Variants in COL14A1 observed in about 807,000 individuals in gnomAD.
COL14A1 encodes the protein collagen alpha-1(XIV) chain.
A neutral mutation model predicts 230.3 loss-of-function variants in COL14A1; 136 were observed. That is an observed-to-expected ratio of 0.59 (90% CI 0.51 to 0.68). COL14A1 has a LOEUF of 0.68. Ranked by LOEUF, COL14A1 falls within the 30% of genes least tolerant of loss-of-function variation. The pLI is 0.00. For synonymous variants in COL14A1, 792 were observed against 784.1 expected (o/e 1.01, Z -0.17); for missense variants, 1,976 against 2,215.8 (o/e 0.89, Z 2.17).
Position 120,226,684 on chromosome 8 carries a change from G to C in COL14A1, c.1922G>C (p.Arg641Thr), listed in dbSNP as rs1293991501. 3.1e-6 allele frequency: 5 copies of C among 1,613,820 alleles called. No individual in the cohort carries two copies. The African/African-American group carries it at 6.7e-5, about 22-fold the overall frequency. The stretch of plus-strand genomic sequence containing the variant: ...GATGAGGTGACGACAGACAGTTTTA[G>C]GGTGACCTGGCATCCCCTCTCAGCT... ...EIDEVTTDSF[R>T]VTWHPLSADE... The change falls in exon 16 of 48, where the codon AGG becomes ACG. Residue 641 changes from arginine to threonine, a missense_variant. Around this residue, in one of 3 missense-constraint regions of COL14A1, gnomAD observed 1,791 missense variants for 2,019.5 expected, o/e 0.89. Coordinates refer to ENST00000297848, the MANE Select transcript of COL14A1 (RefSeq NM_021110.4).
At chr8:120,370,264 GT>G in intron 47 of COL14A1, 2 of 1,491,928 alleles carry the variant, frequency 1.3e-6, no homozygotes, top group African/African-American at 1.4e-5. Context: ...GGTCAACAAA[GT>G]TTTGCTGATG....
chr8:120,372,184 ATTCT>A lies in COL14A1; in HGVS notation c.*954_*957del, dbSNP rs1812183548. 2 of 152,248 alleles carry A rather than the reference ATTCT, an allele frequency of 1.3e-5. No homozygotes were observed. The highest frequency in any genetic ancestry group is 4.8e-5 in the African/African-American group (2 of 41,452). The allele number at this position is 152,248 out of a possible 1,614,324, so 9.4% of individuals were successfully genotyped here. ...CGTTTACTCACTCACTCATTCATTC[ATTCT>A]GAGTGCAGTAGAAAACAGAAGAAGC... On this transcript the variant is annotated 3_prime_UTR_variant, in exon 48 of 48. Transcript: ENST00000297848.
intron 21 of COL14A1, among the ~76,000 whole-genome samples, chr8:120,249,519 G>A (rs1469007325): frequency 6.6e-6 from 1 of 151,982 alleles, no homozygotes; most frequent in Non-Finnish European, 1.5e-5. Context: ...TTTGTTTTTT[G>A]GATCATTTTA....
At chr8:120,292,396 A>T (rs1428496389) in intron 34 of COL14A1, among the ~76,000 whole-genome samples, 2 of 152,182 alleles carry the variant, frequency 1.3e-5, no homozygotes, top group African/African-American at 4.8e-5. Context: ...GTAGGAAAAA[A>T]GTCATAGCAT....
At chr8:120,244,345 G>T (rs534051861) in intron 20 of COL14A1, among the ~76,000 whole-genome samples, 93 of 152,224 alleles carry the variant, frequency 6.1e-4, no homozygotes, top group Admixed American at 1.4e-3. Context: ...GTGTGCTCTA[G>T]TCCAAGCCAC....
chr8:120,281,743 G>A (rs1474569033), intron 31 of COL14A1, among the ~76,000 whole-genome samples: 2 of 152,060 alleles, frequency 1.3e-5, no homozygotes, highest in Non-Finnish European at 2.9e-5. Context: ...ACTTGAGTGA[G>A]CTCACATAGT....
chr8:120,328,016 G>A (rs1022464079), intron 40 of COL14A1, among the ~76,000 whole-genome samples: 2 of 151,810 alleles, frequency 1.3e-5, no homozygotes, highest in East Asian at 2.0e-4. Context: ...TGCCCGCCTC[G>A]GCCTCCCAAA....
At position 120,300,774 on chromosome 8, in the gene COL14A1, T is replaced by C; in HGVS notation, c.4357T>C (p.Cys1453Arg). The change falls in exon 36 of 48, where the codon TGT (cysteine) becomes CGT (arginine). Residue 1453 changes from cysteine (C) to arginine (R), a missense_variant. By Grantham distance (180) the Cys-to-Arg change is radical. Transcript: ENST00000297848. ...CCCAGACCTTCCCCATTCCTGCTCC[T>C]GTTCTGAAACCAATGAAGTGGCTCT... ...SCPDLPHSCSCSETNEVALGP... is the reference protein window; with the variant it reads ...SCPDLPHSCSRSETNEVALGP... 4 of 1,613,766 alleles carry C rather than the reference T, an allele frequency of 2.5e-6. No homozygotes were observed. Among genetic ancestry groups the C allele is most frequent in the Non-Finnish European group, 3.4e-6 (4 of 1,179,710 alleles).
intron 25 of COL14A1, among the ~76,000 whole-genome samples, chr8:120,267,899 G>A (rs1819545474): frequency 6.6e-6 from 1 of 151,754 alleles, no homozygotes; most frequent in Non-Finnish European, 1.5e-5. Context: ...AGAATGAGAG[G>A]AGAAAGTAGA....
In COL14A1 at chr8:120,158,243, T is replaced by C; in HGVS notation, c.202T>C (p.Ser68Pro). 1 of 1,561,614 alleles carries C rather than the reference T, an allele frequency of 6.4e-7. No individual in the cohort carries two copies. The highest frequency in any genetic ancestry group is 8.8e-7 in the Non-Finnish European group (1 of 1,134,230). The change falls in exon 3 of 48, where the codon TCA (serine) becomes CCA (proline). Residue 68 changes from serine to proline, a missense_variant. By Grantham distance (74) the Ser-to-Pro change is moderately conservative (BLOSUM62 -1). This residue lies in a region of COL14A1 where 181 missense variants were observed against 178.6 expected (regional missense o/e 1.01). Transcript: ENST00000297848. ...GGYKLLVTPT[S>P]GGKTNQLNLQ... ...TTACAAACTTCTTGTGACTCCAACT[T>C]CAGGTAAAAACAATTGACTTTGTTT...
intron 3 of COL14A1, among the ~76,000 whole-genome samples, chr8:120,162,107 G>A (rs1666967612): frequency 6.6e-6 from 1 of 152,116 alleles, no homozygotes; most frequent in African/African-American, 2.4e-5. Flanking sequence ...TGTGAATTTG[G>A]TTTTCTCTAA....
intron 3 of COL14A1, among the ~76,000 whole-genome samples, chr8:120,161,820 C>T (rs919519863): frequency 6.6e-6 from 1 of 152,104 alleles, no homozygotes; most frequent in Non-Finnish European, 1.5e-5. Context: ...AACACCACCA[C>T]GGCTGGTTAA....
Position 120,353,867 on chromosome 8 carries a change from T to A in COL14A1, c.5077+8304T>A, listed in dbSNP as rs561004747. On this transcript the variant is annotated intron_variant, in intron 45 of 47. Coordinates refer to ENST00000297848, the MANE Select transcript of COL14A1 (RefSeq NM_021110.4). ...AGGAATCTAGAACTGGAGATACCAT[T>A]TGACCCAGCCATCCCATTACTGGGT... Among the ~76,000 whole-genome samples the A allele has an allele frequency of 9.9e-5, 15 of 151,858 alleles. 1 individual carries two copies. The highest frequency in any genetic ancestry group is 3.4e-4 in the African/African-American group (14 of 41,198).
At chr8:120,295,698 A>G (rs1423204098) in intron 34 of COL14A1, among the ~76,000 whole-genome samples, 2 of 151,844 alleles carry the variant, frequency 1.3e-5, no homozygotes, top group African/African-American at 4.8e-5. Context: ...TGAGAAAGCT[A>G]ATATTTATTA....
At chr8:120,189,461 T>TA (rs1276661766) in intron 5 of COL14A1, among the ~76,000 whole-genome samples, 1 of 151,612 alleles carries the variant, frequency 6.6e-6, no homozygotes, top group Non-Finnish European at 1.5e-5. Flanking sequence ...TCTTTTTTTT[T>TA]AATTAAAATT....
In COL14A1 at chr8:120,289,522, T is replaced by TCATACAGAA. The variant is rs1303023400; in HGVS notation, c.4078-86_4078-85insCATACAGAA. ...AATTCTTTCTCTTCTCTTTCATACT[T>TCATACAGAA]TGTAATGATGAATCATACAATTATA... On this transcript the variant is annotated intron_variant, in intron 33 of 47. Transcript: ENST00000297848. 4 of 1,228,860 alleles carry TCATACAGAA rather than the reference T, an allele frequency of 3.3e-6. No individual in the cohort carries two copies. The Admixed American group carries it at 6.7e-5, about 20-fold the overall frequency. The allele number at this position is 1,228,860 out of a possible 1,614,324, so 76.1% of individuals were successfully genotyped here. A position where few individuals can be genotyped will look rare whatever the true frequency, so the allele number is the denominator to read the frequency against.
In COL14A1 at chr8:120,136,918, C is replaced by T. The variant is rs187090195; in HGVS notation, c.-37-10888C>T. The stretch of plus-strand genomic sequence containing the variant: ...AGGAGGTTGCAGTGAGCCAAGATTG[C>T]GCCACTGCACTCCAGCCTGTGTGAC... On this transcript the variant is annotated intron_variant, in intron 1 of 47. Coordinates refer to ENST00000297848, the MANE Select transcript of COL14A1 (RefSeq NM_021110.4). Among the ~76,000 whole-genome samples the T allele has an allele frequency of 2.0e-4, 24 of 122,036 alleles. No individual in the cohort carries two copies. The East Asian group carries it at 5.0e-3, about 25-fold the overall frequency. 80.1% of individuals were successfully genotyped at this position (122,036 alleles called of 152,430 possible).
At chr8:120,238,642 C>T (rs1395117961) in intron 19 of COL14A1, among the ~76,000 whole-genome samples, 3 of 152,140 alleles carry the variant, frequency 2.0e-5, no homozygotes, top group Admixed American at 2.0e-4. Flanking sequence ...GCATTCCAGG[C>T]ATCATGGGGT....
chr8:120,157,165 T>C (rs1231758100), intron 2 of COL14A1, among the ~76,000 whole-genome samples: 2 of 152,172 alleles, frequency 1.3e-5, no homozygotes, highest in African/African-American at 4.8e-5. Context: ...TTTTGTAAAC[T>C]GTCAGAAAAG....
Sources: gnomAD v4.1 joint callset for allele counts (sites outside exome capture counted in the v4.1 genomes callset) on GRCh38, gnomAD v4.1.1 for gene constraint, gnomAD v4.1.1 regional missense constraint, MANE v1.5 for transcripts, NCBI Gene and HGNC (gene_info 2026-07-23, HGNC 2026-07-21) for gene names.